The following CALN1 variants were observed in gnomAD, a reference collection of about 807,000 sequenced individuals.
CALN1 encodes calcium-binding protein 8.
CALN1 carries 17 observed loss-of-function variants against 30.6 expected under a neutral mutation model. That is an observed-to-expected ratio of 0.56 (90% confidence interval 0.38 to 0.83). The LOEUF (loss-of-function observed/expected upper bound fraction) is 0.83, where lower values mean the gene tolerates loss of function less well. Among genes scored for constraint, CALN1 ranks in the 40% least tolerant of loss-of-function variants. The probability of loss-of-function intolerance (pLI) is 0.00; values close to 1 mark genes in which losing one functional copy is unlikely to be tolerated. For missense variants in CALN1, 291 were observed against 354.9 expected, an observed-to-expected ratio of 0.82 and a Z score of 1.45; for synonymous variants, 156 against 131.4, an observed-to-expected ratio of 1.19 and a Z score of -1.28.
At chr7:71,922,261 C>T (rs1004496982) in intron 5 of CALN1, among the ~76,000 whole-genome samples, 2 of 152,000 alleles carry the variant, frequency 1.3e-5, no homozygotes, top group African/African-American at 4.8e-5. Flanking sequence ...ATATCTGGTT[C>T]ACATTTGCAT....
chr7:71,952,288 C>T (rs929158121), intron 5 of CALN1, among the ~76,000 whole-genome samples: 3 of 152,182 alleles, frequency 2.0e-5, no homozygotes, highest in South Asian at 2.1e-4. Context: ...TCCACCCTGA[C>T]GCCTCAACAG....
chr7:72,199,680 T>A (rs528418252), intron 3 of CALN1, among the ~76,000 whole-genome samples: 1 of 152,200 alleles, frequency 6.6e-6, no homozygotes, highest in African/African-American at 2.4e-5. Context: ...AAGCTATCTC[T>A]ACAAAATATT....
At chr7:72,415,102 C>A (rs893623572), upstream of CALN1, among the ~76,000 whole-genome samples, 1 of 152,246 alleles carries the variant, frequency 6.6e-6, no homozygotes, top group Admixed American at 6.5e-5. Flanking sequence ...CATGCTGGCA[C>A]TTTGACCTTG....
intron 4 of CALN1, among the ~76,000 whole-genome samples, chr7:72,085,171 T>C (rs977056863): frequency 6.6e-6 from 1 of 152,220 alleles, no homozygotes; most frequent in African/African-American, 2.4e-5. Context: ...ACAAAGGCAC[T>C]TTATCATCTG....
intron 5 of CALN1, among the ~76,000 whole-genome samples, chr7:71,831,446 C>T (rs905550492): frequency 2.0e-5 from 3 of 152,106 alleles, no homozygotes; most frequent in Admixed American, 6.5e-5. Context: ...TGCCACTGCA[C>T]TCCAGCCTGG....
At chr7:72,498,260 A>G in the CALN1 span, among the ~76,000 whole-genome samples, 4 of 152,274 alleles carry the variant, frequency 2.6e-5, no homozygotes, top group South Asian at 8.3e-4. Flanking sequence ...GAGAATTTTT[A>G]AAATTTCAAG....
intron 5 of CALN1, among the ~76,000 whole-genome samples, chr7:71,958,292 G>C (rs1797071566): frequency 6.6e-6 from 1 of 151,948 alleles, no homozygotes; most frequent in Admixed American, 6.6e-5. Flanking sequence ...GTTCCCCTCT[G>C]TTTGTCAGGT....
intron 3 of CALN1, among the ~76,000 whole-genome samples, chr7:72,266,049 G>A (rs373880072): frequency 5.9e-5 from 9 of 151,890 alleles, no homozygotes; most frequent in East Asian, 1.9e-4. Context: ...TGGGAGGGTC[G>A]CTTGAACCTG....
At chr7:72,259,062 C>G (rs1273016762) in intron 3 of CALN1, among the ~76,000 whole-genome samples, 7 of 151,252 alleles carry the variant, frequency 4.6e-5, no homozygotes. Context: ...GCCTGGGCGA[C>G]AGAGCGAGAC....
chr7:72,244,906 A>AGAC (rs1795063620), intron 3 of CALN1, among the ~76,000 whole-genome samples: 1 of 152,124 alleles, frequency 6.6e-6, no homozygotes, highest in Non-Finnish European at 1.5e-5. Context: ...CCAAATACTA[A>AGAC]GACGGCCCTA....
chr7:72,133,111 C>G (rs941510156), intron 3 of CALN1, among the ~76,000 whole-genome samples: 2 of 152,132 alleles, frequency 1.3e-5, no homozygotes, highest in Non-Finnish European at 2.9e-5. Context: ...TCCATGACAC[C>G]AGACCCCGGT....
the CALN1 span, among the ~76,000 whole-genome samples, chr7:72,502,145 A>AT: frequency 6.7e-6 from 1 of 149,058 alleles, no homozygotes; most frequent in Non-Finnish European, 1.5e-5. Flanking sequence ...AGTAACTGAA[A>AT]TTTTTTTCCT....
chr7:72,026,108 G>A (rs1033332425), intron 4 of CALN1, among the ~76,000 whole-genome samples: 9 of 152,146 alleles, frequency 5.9e-5, no homozygotes, highest in Non-Finnish European at 1.0e-4. Context: ...TTCAAGCAAC[G>A]AGTTACCATC....
intron 3 of CALN1, among the ~76,000 whole-genome samples, chr7:72,246,466 C>T (rs1795163194): frequency 1.3e-5 from 2 of 152,144 alleles, no homozygotes; most frequent in Non-Finnish European, 2.9e-5. Flanking sequence ...GCTGCCCTGT[C>T]CTGCCCCCAG....
intron 3 of CALN1, among the ~76,000 whole-genome samples, chr7:72,137,181 G>A (rs747590442): frequency 2.4e-4 from 36 of 152,250 alleles, no homozygotes; most frequent in East Asian, 3.9e-4. Context: ...GTCTCTGGTC[G>A]GAGGGGAGCC....
chr7:72,195,212 G>A (rs957602816), intron 3 of CALN1, among the ~76,000 whole-genome samples: 2 of 152,248 alleles, frequency 1.3e-5, no homozygotes, highest in Admixed American at 6.5e-5. Flanking sequence ...CTCATCTTTT[G>A]AGCCCTTGCT....
intron 2 of CALN1, among the ~76,000 whole-genome samples, chr7:72,380,690 G>GATGT (rs1344527841): frequency 2.0e-5 from 3 of 150,516 alleles, no homozygotes; most frequent in African/African-American, 7.3e-5. Flanking sequence ...TGGATGGATG[G>GATGT]ATACATACAT....
chr7:72,121,579 A>C (rs1368624514), intron 3 of CALN1, among the ~76,000 whole-genome samples: 1 of 148,750 alleles, frequency 6.7e-6, no homozygotes, highest in Non-Finnish European at 1.5e-5. Context: ...CTTTAGAGGA[A>C]ATACAATATG....
chr7:72,272,898 C>A (rs1287435092), intron 3 of CALN1, among the ~76,000 whole-genome samples: 1 of 152,124 alleles, frequency 6.6e-6, no homozygotes, highest in Non-Finnish European at 1.5e-5. Context: ...GTTATCTATA[C>A]AGCACAGGTG....
Sources: allele counts gnomAD v4.1 joint callset (sites outside exome capture counted in the v4.1 genomes callset), GRCh38; gene constraint gnomAD v4.1.1; transcripts MANE v1.5; gene names NCBI Gene and HGNC (gene_info 2026-07-23, HGNC 2026-07-21).